Variants in SNRPG observed in about 807,000 individuals in gnomAD.
SNRPG encodes the protein small nuclear ribonucleoprotein G.
In SNRPG, 3 loss-of-function variants were observed where a neutral mutation model predicts 13.9. The observed-to-expected ratio is 0.22, with a 90% CI of 0.10 to 0.56. SNRPG has a LOEUF of 0.56. Ranked by LOEUF, SNRPG falls within the 20% of genes least tolerant of loss-of-function variation. The probability of loss-of-function intolerance (pLI) is 0.93; values close to 1 mark genes in which losing one functional copy is unlikely to be tolerated. For missense variants in SNRPG, 34 were observed against 96.1 expected, an observed-to-expected ratio of 0.35 and a Z score of 2.70; for synonymous variants, 29 against 29.3, an observed-to-expected ratio of 0.99 and a Z score of 0.03.
At chr2:70,290,629 G>GA (rs1269333421) in intron 1 of SNRPG, among the ~76,000 whole-genome samples, 1 of 151,724 alleles carries the variant, frequency 6.6e-6, no homozygotes, top group Non-Finnish European at 1.5e-5. Flanking sequence ...ATTATCATGG[G>GA]AAAATGTAAA....
At chr2:70,288,007 G>A (rs999497919) in intron 3 of SNRPG, 61 bp downstream of exon 3, 7 of 1,533,824 alleles carry the variant, frequency 4.6e-6, no homozygotes, top group Non-Finnish European at 5.4e-6. Flanking sequence ...AACCAGGAAA[G>A]TTAATACACA....
At chr2:70,286,734 C>T (rs565079685) in intron 3 of SNRPG, among the ~76,000 whole-genome samples, 1 of 152,284 alleles carries the variant, frequency 6.6e-6, no homozygotes, top group African/African-American at 2.4e-5. Context: ...GATAAAATTC[C>T]AATGAGCAGT....
intron 1 of SNRPG, chr2:70,293,375 G>A (rs1301224273): frequency 9.5e-6 from 6 of 628,408 alleles, no homozygotes; most frequent in South Asian, 9.1e-5. Context: ...CAGACCGCGG[G>A]ACCTGGAGAC....
chr2:70,281,795 G>T (rs1696792557), intron 3 of SNRPG, 111 bp from the exon 4 acceptor site: 3 of 597,610 alleles, frequency 5.0e-6, no homozygotes, highest in African/African-American at 1.9e-5. Context: ...TTACATGTCG[G>T]TTTGCAAAGC....
intron 3 of SNRPG, among the ~76,000 whole-genome samples, chr2:70,283,175 A>C (rs1050295106): frequency 1.3e-5 from 2 of 150,820 alleles, no homozygotes; most frequent in Non-Finnish European, 3.0e-5. Flanking sequence ...CAGAGTATAG[A>C]TGAATCAGCT....
chr2:70,291,112 C>G (rs1697084833), intron 1 of SNRPG, among the ~76,000 whole-genome samples: 1 of 151,480 alleles, frequency 6.6e-6, no homozygotes, highest in Non-Finnish European at 1.5e-5. Context: ...TCAAATATAA[C>G]ACACAAGATC....
In SNRPG at chr2:70,293,422, T is replaced by C. The variant is rs2104928891; in HGVS notation, c.32+196A>G. On this transcript the variant is annotated intron_variant, in intron 1 of 3. Coordinates refer to ENST00000272348, the MANE Select transcript of SNRPG (RefSeq NM_003096.4). ...AAGGAGGTGCCGTGGCTGCCGGCTGTAACCACACCGACGCGCGAGCTCTGC... is the reference window on the plus strand; with the variant it reads ...AAGGAGGTGCCGTGGCTGCCGGCTGCAACCACACCGACGCGCGAGCTCTGC... 6.0e-6 allele frequency: 4 copies of C among 663,382 alleles called. No individual in the cohort carries two copies. In the East Asian group the frequency reaches 1.1e-4, roughly 18 times the overall value. 41.1% of individuals were successfully genotyped at this position (663,382 alleles called of 1,614,324 possible).
chr2:70,283,096 C>CAAAAAAAAAAAAAAA (rs57862220), intron 3 of SNRPG, among the ~76,000 whole-genome samples: 9 of 14,036 alleles, frequency 6.4e-4, no homozygotes, highest in East Asian at 1.4e-3. Flanking sequence ...TGTCTTTTGT[C>CAAAAAAAAAAAAAAA]AAAAAAAAAA....
At chr2:70,285,587 C>A (rs1232830335) in intron 3 of SNRPG, among the ~76,000 whole-genome samples, 1 of 150,832 alleles carries the variant, frequency 6.6e-6, no homozygotes, top group Non-Finnish European at 1.5e-5. Context: ...CGCGCGTGCA[C>A]ACACACACAC....
At chr2:70,282,893 AGACCATCCT>A (rs1355867670) in intron 3 of SNRPG, among the ~76,000 whole-genome samples, 1 of 152,090 alleles carries the variant, frequency 6.6e-6, no homozygotes, top group Non-Finnish European at 1.5e-5. Flanking sequence ...TGGGAGTTCG[AGACCATCCT>A]GGCCAACATG....
At chr2:70,281,743 T>C (rs1696791044) in intron 3 of SNRPG, 59 bp from the exon 4 acceptor site, 1 of 922,578 alleles carries the variant, frequency 1.1e-6, no homozygotes. Context: ...ATAACTATGA[T>C]GATTTAAGAA....
At chr2:70,282,149 C>G (rs1407162018) in intron 3 of SNRPG, among the ~76,000 whole-genome samples, 1 of 152,126 alleles carries the variant, frequency 6.6e-6, no homozygotes, top group East Asian at 1.9e-4. Flanking sequence ...CTCCTGACCT[C>G]AAGTAATCTG....
chr2:70,282,558 T>C (rs898320183), intron 3 of SNRPG, among the ~76,000 whole-genome samples: 10 of 152,304 alleles, frequency 6.6e-5, no homozygotes, highest in African/African-American at 2.4e-4. Context: ...CAAAGATAGT[T>C]GGCATTCAAT....
At chr2:70,285,465 G>A (rs768124406) in intron 3 of SNRPG, among the ~76,000 whole-genome samples, 8 of 152,156 alleles carry the variant, frequency 5.3e-5, no homozygotes, top group Middle Eastern at 3.4e-3. Flanking sequence ...CCAGCTACTC[G>A]GGAAGCTGAG....
intron 1 of SNRPG, among the ~76,000 whole-genome samples, chr2:70,292,225 C>T (rs765979107): frequency 6.6e-6 from 1 of 152,114 alleles, no homozygotes; most frequent in African/African-American, 2.4e-5. Flanking sequence ...GGATTACAGG[C>T]GTGAGCCACC....
intron 2 of SNRPG, among the ~76,000 whole-genome samples, chr2:70,288,599 C>T (rs912059594): frequency 1.9e-4 from 29 of 152,082 alleles, no homozygotes; most frequent in African/African-American, 5.1e-4. Flanking sequence ...AGCTACTGTA[C>T]GACAGAAGTG....
At chr2:70,287,775 T>G (rs1478491903) in intron 3 of SNRPG, 5 of 452,174 alleles carry the variant, frequency 1.1e-5, no homozygotes, top group Non-Finnish European at 1.6e-5. Context: ...GTTTCAGAAC[T>G]ACTGCTCTAA....
chr2:70,293,379 T>G (rs1697154423), intron 1 of SNRPG: 5 of 628,888 alleles, frequency 8.0e-6, no homozygotes, highest in South Asian at 1.8e-5. Context: ...CCGCGGGACC[T>G]GGAGACTAGT....
In SNRPG at chr2:70,293,673, G is replaced by A. The variant is rs1177448774; in HGVS notation, c.-24C>T. The A allele has an allele frequency of 1.2e-6, 2 of 1,613,346 alleles. No homozygotes were observed. Among genetic ancestry groups the A allele is most frequent in the African/African-American group, 1.3e-5 (1 of 75,048 alleles). The stretch of plus-strand genomic sequence containing the variant: ...ATGGTGTATACTCCGCGGGCTCACA[G>A]ATGCCTTGGAACGCAACGCACGGCT... On this transcript the variant is annotated 5_prime_UTR_variant, in exon 1 of 4. Coordinates refer to ENST00000272348, the MANE Select transcript of SNRPG (RefSeq NM_003096.4).
Sources: gnomAD v4.1 joint callset for allele counts (sites outside exome capture counted in the v4.1 genomes callset) on GRCh38, gnomAD v4.1.1 for gene constraint, MANE v1.5 for transcripts, NCBI Gene and HGNC (gene_info 2026-07-23, HGNC 2026-07-21) for gene names.